The following DMD variants were observed in gnomAD, a reference collection of about 807,000 sequenced individuals.
DMD encodes mutant dystrophin.
DMD carries 63 observed loss-of-function variants against 330.1 expected under a neutral mutation model. The observed-to-expected ratio is 0.19, with a 90% confidence interval of 0.16 to 0.24. The LOEUF is 0.24. DMD is among the 10% of genes least tolerant of loss of function. The pLI, the probability that DMD is intolerant of heterozygous loss-of-function variation, is 1.00. For missense variants in DMD, 3,344 were observed against 2,684.1 expected, an observed-to-expected ratio of 1.25 and a Z score of -5.43; for synonymous variants, 1,223 against 959.8, an observed-to-expected ratio of 1.27 and a Z score of -5.07.
chrX:32,267,085 G>T (rs2148324049), intron 43 of DMD, among the ~76,000 whole-genome samples: 1 of 112,183 alleles, frequency 8.9e-6, no homozygotes, highest in East Asian at 2.8e-4. Flanking sequence ...TGCCACTGTT[G>T]TTTCCTTATT....
intron 13 of DMD, among the ~76,000 whole-genome samples, chrX:32,578,997 T>TA (rs1235068800): frequency 5.4e-5 from 6 of 111,370 alleles, no homozygotes; most frequent in African/African-American, 2.0e-4. Flanking sequence ...AGTTAAAACG[T>TA]ATAAGCAACT....
chrX:32,149,441 A>G (rs1425629308), intron 44 of DMD, among the ~76,000 whole-genome samples: 1 of 112,289 alleles, frequency 8.9e-6, no homozygotes, highest in East Asian at 2.8e-4. Context: ...ACTCTATGAG[A>G]TAAGTAGCAT....
At chrX:32,364,740 T>C in intron 35 of DMD, 30 bp from the exon 36 acceptor site, 1 of 1,196,249 alleles carries the variant, frequency 8.4e-7, no homozygotes, top group Non-Finnish European at 1.1e-6. Context: ...ACCATGGCAT[T>C]ATTGGTTAGA....
At chrX:32,771,940 G>A (rs768376279) in intron 7 of DMD, among the ~76,000 whole-genome samples, 4 of 111,823 alleles carry the variant, frequency 3.6e-5, no homozygotes, top group African/African-American at 1.3e-4. Context: ...TTTATATAGA[G>A]CACTAGGAGG....
chrX:32,595,532 G>T (rs1369055813), intron 13 of DMD, among the ~76,000 whole-genome samples: 1 of 110,962 alleles, frequency 9.0e-6, no homozygotes, highest in Admixed American at 9.6e-5. Flanking sequence ...GAAATTTTCT[G>T]GTAAAGTATT....
intron 1 of DMD, among the ~76,000 whole-genome samples, chrX:33,112,755 G>T (rs978996855): frequency 2.7e-5 from 3 of 109,598 alleles, no homozygotes; most frequent in South Asian, 4.0e-4. Flanking sequence ...TTAACTAATT[G>T]CATAGCTCCA....
Position 32,508,113 on chromosome X carries a change from G to T in DMD, c.2293-6271C>A, listed in dbSNP as rs753238978. On this transcript the variant is annotated intron_variant, in intron 18 of 78. Transcript: ENST00000357033. Reference sequence around the variant, plus strand: ...GGGCCAACAAGATATCACAAGGAATGCCGGGTCACTCAGAATGGTCTCTGA... The same window carrying T: ...GGGCCAACAAGATATCACAAGGAATTCCGGGTCACTCAGAATGGTCTCTGA... Among the ~76,000 whole-genome samples, 3 of 110,957 alleles carry T rather than the reference G, an allele frequency of 2.7e-5. No homozygotes were observed. In the South Asian group the frequency reaches 1.2e-3, roughly 44 times the overall value.
chrX:32,183,740 A>T (rs780175554), intron 44 of DMD, among the ~76,000 whole-genome samples: 51 of 109,676 alleles, frequency 4.7e-4, no homozygotes, highest in African/African-American at 1.6e-3. Flanking sequence ...TACAGACTGT[A>T]CTTGTATCAT....
chrX:31,317,535 CAG>C lies in DMD; in HGVS notation c.9224+6061_9224+6062del, dbSNP rs756778014. Among the ~76,000 whole-genome samples, 9 of 90,773 alleles carry C rather than the reference CAG, an allele frequency of 9.9e-5. No individual in the cohort carries two copies. The South Asian group carries it at 4.2e-3, about 42-fold the overall frequency. 78.8% of individuals were successfully genotyped at this position (90,773 alleles called of 115,157 possible). A position where few individuals can be genotyped will look rare whatever the true frequency, so the allele number is the denominator to read the frequency against. ...TTTTTTTTTTTTTTTTTTTTTGAGG[CAG>C]AGTCTTGCTCTGTCACCCAGGCTGG... On this transcript the variant is annotated intron_variant, in intron 62 of 78. Transcript: ENST00000357033.
Position 32,491,525 on chromosome X carries a change from A to C in DMD, c.2381-7T>G, listed in dbSNP as rs1201559737. The C allele has an allele frequency of 1.2e-5, 15 of 1,201,578 alleles. No individual in the cohort carries two copies. The highest frequency in any genetic ancestry group is 1.6e-5 in the Non-Finnish European group (14 of 890,030). ...CTATCTGCATTAACACCCTCTAGAA[A>C]GAAAAAAATAATTAAATATATCCCC... is the stretch of plus-strand genomic sequence containing the variant. On this transcript the variant is annotated splice_region_variant and splice_polypyrimidine_tract_variant and intron_variant, in intron 19 of 78. Coordinates refer to ENST00000357033, the MANE Select transcript of DMD (RefSeq NM_004006.3).
intron 2 of DMD, among the ~76,000 whole-genome samples, chrX:32,980,799 T>C (rs907989568): frequency 1.8e-5 from 2 of 111,086 alleles, no homozygotes; most frequent in Non-Finnish European, 3.8e-5. Flanking sequence ...CATATAGGAG[T>C]CAGACGAATA....
At chrX:31,999,791 C>T (rs1005931030) in intron 44 of DMD, among the ~76,000 whole-genome samples, 19 of 111,564 alleles carry the variant, frequency 1.7e-4, no homozygotes, top group African/African-American at 5.5e-4. Context: ...AAAAGTGGTT[C>T]TGAAGTCGTT....
chrX:31,680,738 T>A (rs778794290), intron 52 of DMD, among the ~76,000 whole-genome samples: 1 of 111,310 alleles, frequency 9.0e-6, no homozygotes, highest in Non-Finnish European at 1.9e-5. Context: ...CTGGCTTATA[T>A]TGAGGCTATC....
At chrX:31,521,080 T>C (rs1453039481) in intron 55 of DMD, among the ~76,000 whole-genome samples, 1 of 111,902 alleles carries the variant, frequency 8.9e-6, no homozygotes, top group Non-Finnish European at 1.9e-5. Flanking sequence ...TATGACATGT[T>C]ATATAAGTCT....
chrX:31,290,201 A>G (rs969926785), intron 62 of DMD, among the ~76,000 whole-genome samples: 2 of 110,480 alleles, frequency 1.8e-5, no homozygotes, highest in African/African-American at 6.6e-5. Context: ...GACTACAGGC[A>G]TGAGCCACCA....
intron 1 of DMD, among the ~76,000 whole-genome samples, chrX:33,148,759 C>T (rs776799476): frequency 8.0e-5 from 9 of 112,206 alleles, no homozygotes; most frequent in African/African-American, 2.9e-4. Flanking sequence ...AACCAAAGCT[C>T]TCCATTCCCT....
chrX:32,165,945 G>A (rs2096866879), intron 44 of DMD, among the ~76,000 whole-genome samples: 1 of 110,856 alleles, frequency 9.0e-6, no homozygotes. Flanking sequence ...TGAAGAAGGT[G>A]CCTCGCTTCC....
intron 17 of DMD, among the ~76,000 whole-genome samples, chrX:32,527,215 A>G (rs1467093813): frequency 4.5e-5 from 5 of 112,241 alleles, no homozygotes; most frequent in Non-Finnish European, 9.4e-5. Flanking sequence ...TTCTTAATGA[A>G]CATTTTAATT....
At chrX:32,665,251 T>C (rs1215689890) in intron 9 of DMD, among the ~76,000 whole-genome samples, 2 of 111,808 alleles carry the variant, frequency 1.8e-5, no homozygotes, top group Non-Finnish European at 3.8e-5. Flanking sequence ...TAGAGAAGTG[T>C]AGTGTACCGA....
Sources: allele counts gnomAD v4.1 joint callset (sites outside exome capture counted in the v4.1 genomes callset), GRCh38; gene constraint gnomAD v4.1.1; transcripts MANE v1.5; gene names NCBI Gene and HGNC (gene_info 2026-07-23, HGNC 2026-07-21).